Variants in FBXL5 observed in about 807,000 individuals in gnomAD.
FBXL5 encodes F-box/LRR-repeat protein 5.
A neutral mutation model predicts 78.3 loss-of-function variants in FBXL5; 26 were observed. The ratio of observed to expected loss-of-function variants is 0.33; its 90% CI spans 0.24 to 0.46. The LOEUF is 0.46. FBXL5 is among the 20% of genes least tolerant of loss of function. FBXL5 has a pLI of 1.00. For synonymous variants in FBXL5, 295 were observed against 282.5 expected (o/e 1.04, Z -0.45); for missense variants, 710 against 829.2 (o/e 0.86, Z 1.77).
chr4:15,629,887 T>C (rs1713443158), intron 6 of FBXL5, among the ~76,000 whole-genome samples: 1 of 152,264 alleles, frequency 6.6e-6, no homozygotes, highest in East Asian at 1.9e-4. Context: ...AAATTTCCTA[T>C]AGTTTCAGTT....
At chr4:15,612,960 TTAAC>T (rs1722369759) in intron 9 of FBXL5, among the ~76,000 whole-genome samples, 1 of 152,184 alleles carries the variant, frequency 6.6e-6, no homozygotes, top group South Asian at 2.1e-4. Context: ...CAAATGTCCA[TTAAC>T]TAATAAATGG....
chr4:15,615,055 C>T (rs1411451527), intron 9 of FBXL5, among the ~76,000 whole-genome samples: 4 of 152,180 alleles, frequency 2.6e-5, no homozygotes, highest in South Asian at 2.1e-4. Flanking sequence ...ACTTAGCACC[C>T]GGGCCAGTGG....
At chr4:15,668,191 A>C (rs1365176732) in intron 1 of FBXL5, among the ~76,000 whole-genome samples, 1 of 151,736 alleles carries the variant, frequency 6.6e-6, no homozygotes, top group Non-Finnish European at 1.5e-5. Flanking sequence ...AAGTATAAAG[A>C]CAAAAAAAGT....
At chr4:15,649,578 CAA>C (rs34238482) in intron 1 of FBXL5, among the ~76,000 whole-genome samples, 35 of 81,368 alleles carry the variant, frequency 4.3e-4, no homozygotes, top group African/African-American at 7.5e-4. Flanking sequence ...GACTACGTCT[CAA>C]AAAAAAAAAA....
At chr4:15,666,676 A>G (rs1443695527) in intron 1 of FBXL5, among the ~76,000 whole-genome samples, 1 of 151,338 alleles carries the variant, frequency 6.6e-6, no homozygotes, top group African/African-American at 2.4e-5. Flanking sequence ...ACTAAACATC[A>G]AAAAAATTAG....
intron 9 of FBXL5, among the ~76,000 whole-genome samples, chr4:15,623,343 A>G (rs1157306365): frequency 6.6e-6 from 1 of 152,120 alleles, no homozygotes; most frequent in Non-Finnish European, 1.5e-5. Context: ...AAACATCCTA[A>G]AAAACTAAAA....
rs1157950673 is a variant in FBXL5, at chr4:15,668,486, ATTG to A, written c.-283-8567_-283-8565del. On this transcript the variant is annotated intron_variant, in intron 1 of 4. Coordinates refer to the FBXL5 transcript ENST00000507899. ...ATTTTTTTTTGTACTTGGTTTTTGT[ATTG>A]TTCTTTGTACTTGGTTTTTGTATTG... Among the ~76,000 whole-genome samples the A allele has an allele frequency of 2.0e-5, 3 of 150,954 alleles. No individual in the cohort carries two copies. In the East Asian group the frequency reaches 5.8e-4, roughly 29 times the overall value.
chr4:15,669,015 C>T (rs561115136), intron 1 of FBXL5, among the ~76,000 whole-genome samples: 2 of 152,296 alleles, frequency 1.3e-5, no homozygotes, highest in Admixed American at 1.3e-4. Flanking sequence ...AGCTGCATAA[C>T]ACTTGTAGAG....
intron 9 of FBXL5, among the ~76,000 whole-genome samples, chr4:15,616,884 G>C (rs1400599749): frequency 6.6e-6 from 1 of 152,272 alleles, no homozygotes; most frequent in South Asian, 2.1e-4. Context: ...TCACACTTTG[G>C]GCACTCAGTT....
chr4:15,615,422 A>G (rs906952071), intron 9 of FBXL5, among the ~76,000 whole-genome samples: 1 of 140,832 alleles, frequency 7.1e-6, no homozygotes, highest in African/African-American at 2.6e-5. Flanking sequence ...TAGCTCAGGG[A>G]TTGTAAACAC....
exon 1 of FBXL5, chr4:15,681,395 G>T: frequency 5.8e-6 from 1 of 173,254 alleles, no homozygotes; most frequent in South Asian, 1.5e-4. Flanking sequence ...GCTTCGCCTG[G>T]TTGTGGTGTG....
intron 1 of FBXL5, among the ~76,000 whole-genome samples, chr4:15,654,367 G>C (rs192170260): frequency 5.9e-5 from 9 of 152,276 alleles, no homozygotes; most frequent in East Asian, 5.8e-4. Context: ...AAAATCACTA[G>C]CAAAGGGCCC....
chr4:15,620,753 G>A (rs1712391430), intron 9 of FBXL5, among the ~76,000 whole-genome samples: 1 of 152,252 alleles, frequency 6.6e-6, no homozygotes, highest in Admixed American at 6.5e-5. Flanking sequence ...AAGGTCGGGG[G>A]TTTACGGGAA....
chr4:15,655,461 T>A, upstream of FBXL5: 1 of 899,650 alleles, frequency 1.1e-6, no homozygotes. Flanking sequence ...CGCCATGCGA[T>A]CCCTGCGGCC....
At chr4:15,660,384 G>A (rs1411572444), upstream of FBXL5, among the ~76,000 whole-genome samples, 3 of 151,894 alleles carry the variant, frequency 2.0e-5, no homozygotes, top group South Asian at 2.1e-4. Flanking sequence ...ACCCAGCCCC[G>A]ACATTGTTTT....
intron 10 of FBXL5, among the ~76,000 whole-genome samples, chr4:15,608,175 T>A (rs1054469364): frequency 6.6e-6 from 1 of 152,070 alleles, no homozygotes; most frequent in Non-Finnish European, 1.5e-5. Flanking sequence ...TATGCTAAAT[T>A]TCAACAGTAG....
chr4:15,655,548 A>G (rs1382174107), upstream of FBXL5: 1 of 197,526 alleles, frequency 5.1e-6, no homozygotes, highest in Non-Finnish European at 9.1e-6. Flanking sequence ...TCGTCTTCAT[A>G]AGCCGCAGAA....
At chr4:15,614,085 C>T (rs1414928106) in intron 9 of FBXL5, among the ~76,000 whole-genome samples, 1 of 152,198 alleles carries the variant, frequency 6.6e-6, no homozygotes, top group Non-Finnish European at 1.5e-5. Flanking sequence ...GAGGGAAGAT[C>T]TAGCTCAAGG....
At chr4:15,671,445 G>T (rs559932664) in intron 1 of FBXL5, among the ~76,000 whole-genome samples, 28 of 151,842 alleles carry the variant, frequency 1.8e-4, no homozygotes, top group African/African-American at 6.5e-4. Flanking sequence ...TCTGGTTTGG[G>T]TTTTTGTTTA....
Sources: allele counts gnomAD v4.1 joint callset (sites outside exome capture counted in the v4.1 genomes callset), GRCh38; gene constraint gnomAD v4.1.1; transcripts MANE v1.5; gene names NCBI Gene and HGNC (gene_info 2026-07-23, HGNC 2026-07-21).